CACNA1E: variants seen among roughly 807,000 people sequenced by gnomAD.
CACNA1E encodes the protein voltage-dependent R-type calcium channel subunit alpha-1E.
CACNA1E carries 40 observed loss-of-function variants against 259.2 expected under a neutral mutation model. The ratio of observed to expected loss-of-function variants is 0.15; its 90% CI spans 0.12 to 0.20. CACNA1E has a LOEUF of 0.20. CACNA1E is among the 10% of genes least tolerant of loss of function. CACNA1E has a pLI of 1.00. For missense variants in CACNA1E, 1,874 were observed against 3,040.1 expected (o/e 0.62, Z 9.02); for synonymous variants, 1,104 against 1,138.5 (o/e 0.97, Z 0.61).
At chr1:181,767,332 C>G (rs1659104602) in intron 35 of CACNA1E, among the ~76,000 whole-genome samples, 2 of 152,142 alleles carry the variant, frequency 1.3e-5, no homozygotes, top group Admixed American at 1.3e-4. Flanking sequence ...TGGGTGAATT[C>G]CTACTGTAAA....
At chr1:181,746,759 TC>T (rs35516799) in intron 25 of CACNA1E, among the ~76,000 whole-genome samples, 110,142 of 151,886 alleles carry the variant, frequency 0.73, 39,990 homozygotes, top group South Asian at 0.79. Context: ...AAGTACTTGG[TC>T]CTTTTACTGT....
chr1:181,654,717 G>A (rs1417474571), intron 7 of CACNA1E, among the ~76,000 whole-genome samples: 1 of 152,186 alleles, frequency 6.6e-6, no homozygotes, highest in Non-Finnish European at 1.5e-5. Context: ...GGGCGCGCTG[G>A]CTCACGCCTG....
chr1:181,439,407 A>C (rs1000448172), intron 2 of CACNA1E, among the ~76,000 whole-genome samples: 13 of 142,200 alleles, frequency 9.1e-5, no homozygotes, highest in Non-Finnish European at 6.2e-5. Context: ...GACTTTGTCT[A>C]TGGCAGTTAG....
At position 181,749,736 on chromosome 1, in the gene CACNA1E, A is replaced by T. The variant is rs201385930; in HGVS notation, c.3720-740A>T. On this transcript the variant is annotated intron_variant, in intron 25 of 47. Coordinates refer to ENST00000367573, the MANE Select transcript of CACNA1E (RefSeq NM_001205293.3). ...CTATCTTGAAGATATTTATGCCCTG[A>T]CTTATTTTAAATGCCTCACCAGTAG... 2.6e-5 allele frequency among the ~76,000 whole-genome samples: 4 copies of T among 152,322 alleles called. No homozygotes were observed. The East Asian group carries it at 7.7e-4, about 29-fold the overall frequency.
At chr1:181,630,108 C>G (rs1656574406) in intron 6 of CACNA1E, among the ~76,000 whole-genome samples, 1 of 97,672 alleles carries the variant, frequency 1.0e-5, no homozygotes, top group African/African-American at 3.0e-5. Context: ...CTTACCACAG[C>G]AGGATGGGAA....
chr1:181,579,009 T>C, intron 4 of CACNA1E, 63 bp from the exon 5 acceptor site: 2 of 1,362,966 alleles, frequency 1.5e-6, no homozygotes, highest in Non-Finnish European at 2.0e-6. Context: ...ATGAAACTAA[T>C]CCTCCCCTAT....
At chr1:181,777,141 C>T (rs1042304739) in intron 38 of CACNA1E, among the ~76,000 whole-genome samples, 1 of 152,198 alleles carries the variant, frequency 6.6e-6, no homozygotes, top group East Asian at 1.9e-4. Context: ...CTAATCCCTG[C>T]TTTGGAGTAT....
intron 2 of CACNA1E, among the ~76,000 whole-genome samples, chr1:181,456,531 A>C (rs1661470728): frequency 6.6e-6 from 1 of 152,292 alleles, no homozygotes; most frequent in East Asian, 1.9e-4. Context: ...AGGGGGAAGA[A>C]GTCCTTGCTT....
chr1:181,402,011 C>T (rs76124560), intron 1 of CACNA1E, among the ~76,000 whole-genome samples: 4,594 of 152,220 alleles, frequency 0.03, 227 homozygotes, highest in African/African-American at 0.1. Flanking sequence ...AGGATGGCCA[C>T]TTTGGAGCTT....
intron 3 of CACNA1E, among the ~76,000 whole-genome samples, chr1:181,523,582 T>C (rs1017781179): frequency 5.9e-5 from 9 of 152,334 alleles, no homozygotes; most frequent in Admixed American, 5.9e-4. Flanking sequence ...AATGTCTCCA[T>C]CTGCATAGAA....
chr1:181,529,787 A>G (rs1226129746), intron 3 of CACNA1E, among the ~76,000 whole-genome samples: 20 of 152,068 alleles, frequency 1.3e-4, no homozygotes, highest in Admixed American at 1.3e-3. Context: ...TTCCCCCAAT[A>G]CCTGTACCTC....
chr1:181,354,854 A>G (rs1484931286), intron 1 of CACNA1E, among the ~76,000 whole-genome samples: 1 of 152,214 alleles, frequency 6.6e-6, no homozygotes, highest in African/African-American at 2.4e-5. Flanking sequence ...TGAAGAAACC[A>G]AACCAGAAAA....
chr1:181,340,469 C>T (rs554016765), intron 1 of CACNA1E, among the ~76,000 whole-genome samples: 2 of 152,112 alleles, frequency 1.3e-5, no homozygotes, highest in African/African-American at 2.4e-5. Context: ...TTACCTAGCT[C>T]CTCCACAAAA....
intron 1 of CACNA1E, among the ~76,000 whole-genome samples, chr1:181,341,259 C>G (rs781556243): frequency 6.6e-6 from 1 of 152,154 alleles, no homozygotes; most frequent in Non-Finnish European, 1.5e-5. Flanking sequence ...TTGGAGCACG[C>G]CCCACAGCCC....
chr1:181,656,703 C>G (rs889679808), intron 7 of CACNA1E, among the ~76,000 whole-genome samples: 4 of 152,192 alleles, frequency 2.6e-5, no homozygotes, highest in African/African-American at 9.7e-5. Context: ...CTTTCTGACT[C>G]ACCCAGAGCA....
Position 181,685,154 on chromosome 1 carries a change from C to T in CACNA1E, c.1056-25800C>T, listed in dbSNP as rs115820953. Among the ~76,000 whole-genome samples the T allele has an allele frequency of 6.3e-3, 947 of 150,662 alleles. 14 individuals carry two copies. Among genetic ancestry groups the T allele is most frequent in the African/African-American group, 0.022 (910 of 40,942 alleles). On this transcript the variant is annotated intron_variant, in intron 7 of 47. Transcript: ENST00000367573. ...ATGAACAAATGGAGAAGTTTTCCTC[C>T]CAGGAGCATGCTTACAAAGGAAACA...
chr1:181,672,558 C>T (rs1373760709), intron 7 of CACNA1E, among the ~76,000 whole-genome samples: 2 of 152,126 alleles, frequency 1.3e-5, no homozygotes, highest in Non-Finnish European at 2.9e-5. Flanking sequence ...AAGAAAGGAC[C>T]TAAAGTGGTC....
chr1:181,700,789 A>C (rs541704171), intron 7 of CACNA1E, among the ~76,000 whole-genome samples: 1 of 152,350 alleles, frequency 6.6e-6, no homozygotes, highest in South Asian at 2.1e-4. Flanking sequence ...AAGGACAGCG[A>C]GTGGAAAGGC....
At chr1:181,475,102 G>T (rs1259480947) in intron 2 of CACNA1E, among the ~76,000 whole-genome samples, 1 of 152,208 alleles carries the variant, frequency 6.6e-6, no homozygotes, top group Non-Finnish European at 1.5e-5. Flanking sequence ...ACAGGGCCCA[G>T]ATACCTGATT....
Sources: gnomAD v4.1 joint callset for allele counts (sites outside exome capture counted in the v4.1 genomes callset) on GRCh38, gnomAD v4.1.1 for gene constraint, MANE v1.5 for transcripts, NCBI Gene and HGNC (gene_info 2026-07-23, HGNC 2026-07-21) for gene names.